NT5DC3: variants seen among roughly 807,000 people sequenced by gnomAD.
NT5DC3 encodes 5'-nucleotidase domain containing 3, also known as 5'-nucleotidase domain-containing protein 3.
Under a neutral mutation model 67.8 loss-of-function variants are expected in NT5DC3, and 42 were observed. The observed-to-expected ratio is 0.62, with a 90% CI of 0.48 to 0.80. The LOEUF is 0.80. NT5DC3 is among the 30% of genes least tolerant of loss of function. The pLI is 0.00. For synonymous variants in NT5DC3, 237 were observed against 255.6 expected, an observed-to-expected ratio of 0.93 and a Z score of 0.69; for missense variants, 570 against 696.4, an observed-to-expected ratio of 0.82 and a Z score of 2.04.
chr12:103,814,978 T>A lies in NT5DC3; in HGVS notation c.352A>T (p.Ile118Leu). ...AGAAGGTCCCGTGCAGCATTAAATA[T>A]CAGCGTGTGGAGGTGCTTTGAATAA... Reference protein sequence around the residue: ...VFYSKHLHTLIFNAARDLLIN... With the variant: ...VFYSKHLHTLLFNAARDLLIN... The change falls in exon 2 of 14, where the codon ATA becomes TTA. Residue 118 changes from isoleucine to leucine, a missense_variant. This residue lies in a region of NT5DC3 where 466 missense variants were observed against 608.0 expected (regional missense o/e 0.77). Transcript: ENST00000392876. The A allele has an allele frequency of 6.2e-7, 1 of 1,613,410 alleles. No individual in the cohort carries two copies. The highest frequency in any genetic ancestry group is 8.5e-7 in the Non-Finnish European group (1 of 1,179,668).
At chr12:103,819,787 TA>T (rs1489500401) in intron 1 of NT5DC3, 1 of 152,244 alleles carries the variant, frequency 6.6e-6, no homozygotes, top group East Asian at 1.9e-4. Context: ...AAATATACAT[TA>T]CATAAAGTTT....
chr12:103,756,407 G>A, the NT5DC3 span, among the ~76,000 whole-genome samples: 1 of 152,236 alleles, frequency 6.6e-6, no homozygotes, highest in African/African-American at 2.4e-5. Context: ...TAAGGGAAAG[G>A]ATTTTCTTTG....
chr12:103,824,667 A>G (rs1212275638), intron 1 of NT5DC3, among the ~76,000 whole-genome samples: 1 of 152,206 alleles, frequency 6.6e-6, no homozygotes, highest in African/African-American at 2.4e-5. Context: ...ATGGGGTTTG[A>G]CATATGCTGC....
At chr12:103,809,799 C>T (rs1886952529) in intron 2 of NT5DC3, among the ~76,000 whole-genome samples, 1 of 152,072 alleles carries the variant, frequency 6.6e-6, no homozygotes, top group Non-Finnish European at 1.5e-5. Context: ...CAAACCATAT[C>T]AATGATCTTG....
intron 1 of NT5DC3, among the ~76,000 whole-genome samples, chr12:103,821,068 G>C (rs1388311739): frequency 1.3e-5 from 2 of 152,170 alleles, no homozygotes; most frequent in African/African-American, 4.8e-5. Flanking sequence ...CACTTCTAGA[G>C]CTGGGCACAC....
At chr12:103,809,869 G>A (rs1297841283) in intron 2 of NT5DC3, among the ~76,000 whole-genome samples, 1 of 152,142 alleles carries the variant, frequency 6.6e-6, no homozygotes. Flanking sequence ...GAAGAATACA[G>A]GTTCCGGGGC....
chr12:103,798,092 C>A (rs371487149), intron 5 of NT5DC3, among the ~76,000 whole-genome samples: 2 of 151,822 alleles, frequency 1.3e-5, no homozygotes, highest in South Asian at 4.2e-4. Context: ...ACTAGCTGAC[C>A]GAGCATCGTC....
At chr12:103,815,188 A>C (rs1887198134) in intron 1 of NT5DC3, 67 bp from the exon 2 acceptor site, 1 of 1,031,416 alleles carries the variant, frequency 9.7e-7, no homozygotes, top group East Asian at 2.7e-5. Context: ...TTCCTAAAGA[A>C]AAAAAATGAG....
At chr12:103,746,371 A>T in the NT5DC3 span, 2 of 410,602 alleles carry the variant, frequency 4.9e-6, no homozygotes, top group Non-Finnish European at 8.9e-6. Context: ...TCTCATATAA[A>T]TCTCAATGAC....
chr12:103,794,215 T>C (rs73192049), intron 6 of NT5DC3, among the ~76,000 whole-genome samples: 52,750 of 147,034 alleles, frequency 0.36, 10,539 homozygotes, highest in East Asian at 0.88. Context: ...AGTGGTCCCA[T>C]CTCAGCTCAA....
At chr12:103,812,123 T>A (rs903006046) in intron 2 of NT5DC3, among the ~76,000 whole-genome samples, 1 of 152,162 alleles carries the variant, frequency 6.6e-6, no homozygotes, top group Non-Finnish European at 1.5e-5. Flanking sequence ...TTTGTAAAAA[T>A]TGCTTATTTT....
chr12:103,783,792 C>CAA (rs35278033), intron 12 of NT5DC3, among the ~76,000 whole-genome samples: 27,734 of 142,450 alleles, frequency 0.19, 2,855 homozygotes, highest in African/African-American at 0.29. Flanking sequence ...AAAATAAAAC[C>CAA]AAAAAAAAAA....
intron 13 of NT5DC3, among the ~76,000 whole-genome samples, chr12:103,778,290 G>A (rs1440341950): frequency 6.6e-6 from 1 of 152,114 alleles, no homozygotes; most frequent in African/African-American, 2.4e-5. Context: ...CAGCACTTGG[G>A]GAGGCCAAGG....
the NT5DC3 span, chr12:103,759,400 C>T: frequency 3.5e-4 from 471 of 1,345,918 alleles, no homozygotes; most frequent in Non-Finnish European, 4.5e-4. Flanking sequence ...AGATAGGGGA[C>T]GGTGTTAACT....
intron 2 of NT5DC3, among the ~76,000 whole-genome samples, chr12:103,810,091 GT>G (rs1886966053): frequency 6.6e-6 from 1 of 152,256 alleles, no homozygotes; most frequent in Non-Finnish European, 1.5e-5. Context: ...ATAAAATTGA[GT>G]GGCTTCGCTG....
intron 1 of NT5DC3, among the ~76,000 whole-genome samples, chr12:103,839,977 C>T (rs1378312984): frequency 2.6e-5 from 4 of 152,156 alleles, no homozygotes; most frequent in Admixed American, 1.3e-4. Context: ...ATACAAATTT[C>T]GGTTCTGAAT....
intron 11 of NT5DC3, chr12:103,785,887 G>A: frequency 2.7e-6 from 1 of 372,864 alleles, no homozygotes; most frequent in Non-Finnish European, 5.1e-6. Flanking sequence ...GGAGAACCAT[G>A]GAATCTCAGA....
chr12:103,824,945 A>G (rs534585483), intron 1 of NT5DC3, among the ~76,000 whole-genome samples: 1 of 152,354 alleles, frequency 6.6e-6, no homozygotes, highest in South Asian at 2.1e-4. Context: ...TACCATATCT[A>G]CAATGTGCCA....
the NT5DC3 span, among the ~76,000 whole-genome samples, chr12:103,757,181 T>G: frequency 2.0e-5 from 3 of 151,762 alleles, no homozygotes; most frequent in African/African-American, 7.3e-5. Context: ...CTCAACCTCC[T>G]GGGCTCAAGG....
Sources: gnomAD v4.1 joint callset for allele counts (sites outside exome capture counted in the v4.1 genomes callset) on GRCh38, gnomAD v4.1.1 for gene constraint, gnomAD v4.1.1 regional missense constraint, MANE v1.5 for transcripts, NCBI Gene and HGNC (gene_info 2026-07-23, HGNC 2026-07-21) for gene names.